Variants in AGAP1 observed in about 807,000 individuals in gnomAD.
AGAP1 encodes ArfGAP with GTPase domain, ankyrin repeat and PH domain 1.
A neutral mutation model predicts 105.3 loss-of-function variants in AGAP1; 29 were observed. That is an observed-to-expected ratio of 0.28 (90% CI 0.21 to 0.38). The LOEUF (loss-of-function observed/expected upper bound fraction) is 0.38. AGAP1 is among the 10% of genes least tolerant of loss of function. AGAP1 has a pLI of 1.00. For synonymous variants in AGAP1, 509 were observed against 485.9 expected, an observed-to-expected ratio of 1.05 and a Z score of -0.63; for missense variants, 998 against 1,165.1, an observed-to-expected ratio of 0.86 and a Z score of 2.09.
intron 1 of AGAP1, among the ~76,000 whole-genome samples, chr2:235,495,801 A>T (rs6731690): frequency 6.6e-6 from 1 of 152,302 alleles, no homozygotes. Flanking sequence ...ATGTGCGTGG[A>T]CAGTGTGGAG....
rs979824963 is a variant in AGAP1, at chr2:236,113,755, C to T, written c.2115-6437C>T. Among the ~76,000 whole-genome samples the T allele has an allele frequency of 6.6e-6, 1 of 152,106 alleles. No individual in the cohort carries two copies. Among genetic ancestry groups the T allele is most frequent in the African/African-American group, 2.4e-5 (1 of 41,424 alleles). ...TGTCTGTCTCCGAGCTGGCAGACCC[C>T]GAAAAATCCAGAGGGTTCACGGCTC... On this transcript the variant is annotated intron_variant, in intron 16 of 17. Coordinates refer to ENST00000304032, the MANE Select transcript of AGAP1 (RefSeq NM_001037131.3). This position sits in a 1 kb window ranked among gnomAD's most constrained non-coding sequence, Gnocchi z 4.3.
rs185352819 is a variant in AGAP1 at position 235,608,567 on chromosome 2, G to C, written c.164-100612G>C. On this transcript the variant is annotated intron_variant, in intron 1 of 17. Transcript: ENST00000304032. This position sits in a 1 kb window ranked among gnomAD's most constrained non-coding sequence, Gnocchi z 5.4. The stretch of plus-strand genomic sequence containing the variant: ...GTGAGACCAACCCTGCCCTCTGGAC[G>C]GATGGAAGGACACTGGGGAGCCGAT... Among the ~76,000 whole-genome samples the C allele has an allele frequency of 6.6e-6, 1 of 152,184 alleles. No individual in the cohort carries two copies. Among genetic ancestry groups the C allele is most frequent in the African/African-American group, 2.4e-5 (1 of 41,450 alleles).
rs1344487144 is a variant in AGAP1 at position 235,845,244 on chromosome 2, A to G, written c.1050+37913A>G. On this transcript the variant is annotated intron_variant, in intron 9 of 17. Transcript: ENST00000304032. This position sits in a 1 kb window ranked among gnomAD's most constrained non-coding sequence, Gnocchi z 4.8. ...CTCACAAAGGCCCAGCAGCAAGTAC[A>G]GGGGAGACAGCCAGACCCCTGCACA... Among the ~76,000 whole-genome samples, 2 of 152,142 alleles carry G rather than the reference A, an allele frequency of 1.3e-5. No individual in the cohort carries two copies. The highest frequency in any genetic ancestry group is 6.5e-5 in the Admixed American group (1 of 15,278).
chr2:235,651,753 T>A lies in AGAP1; in HGVS notation c.164-57426T>A, dbSNP rs1028386293. 7.9e-5 allele frequency among the ~76,000 whole-genome samples: 12 copies of A among 152,232 alleles called. No individual in the cohort carries two copies. In the South Asian group the frequency reaches 1.0e-3, roughly 13 times the overall value. Reference sequence around the variant, plus strand: ...AAATGTGAATGTATGAAATGCTGGCTTCCTTTGACTCAGGAATTGTGCTTC... The same window carrying A: ...AAATGTGAATGTATGAAATGCTGGCATCCTTTGACTCAGGAATTGTGCTTC... On this transcript the variant is annotated intron_variant, in intron 1 of 17. Transcript: ENST00000304032.
intron 1 of AGAP1, among the ~76,000 whole-genome samples, chr2:235,666,513 G>A (rs1056972220): frequency 6.6e-6 from 1 of 152,050 alleles, no homozygotes; most frequent in African/African-American, 2.4e-5. Flanking sequence ...ACTTGACATG[G>A]CATCATTATG....
intron 1 of AGAP1, among the ~76,000 whole-genome samples, chr2:235,678,221 C>G (rs535081536): frequency 6.6e-6 from 1 of 152,244 alleles, no homozygotes; most frequent in East Asian, 1.9e-4. Flanking sequence ...AGAGTCTGTT[C>G]TCTTTTGGAT....
At chr2:235,630,090 A>G (rs1039045432) in intron 1 of AGAP1, among the ~76,000 whole-genome samples, 2 of 152,186 alleles carry the variant, frequency 1.3e-5, no homozygotes, top group African/African-American at 2.4e-5. Context: ...CTTTAAAAAT[A>G]TAGGACTGTA....
rs2057658217 is a variant in AGAP1, at chr2:236,044,559, C to A, written c.1891+3718C>A. ...GGCCTTTCTCATGTCTAGAATCCTGCCTTATTTCCCTTTGTGAACCCCAGG... is the reference window on the plus strand; with the variant it reads ...GGCCTTTCTCATGTCTAGAATCCTGACTTATTTCCCTTTGTGAACCCCAGG... On this transcript the variant is annotated intron_variant, in intron 15 of 17. Transcript: ENST00000304032. The surrounding 1 kb of genome is among the most constrained non-coding windows in gnomAD (Gnocchi z 5.7). Among the ~76,000 whole-genome samples, 1 of 152,110 alleles carries A rather than the reference C, an allele frequency of 6.6e-6. No individual in the cohort carries two copies. Among genetic ancestry groups the A allele is most frequent in the African/African-American group, 2.4e-5 (1 of 41,380 alleles).
At chr2:235,704,690 C>T (rs1450347014) in intron 1 of AGAP1, among the ~76,000 whole-genome samples, 2 of 152,350 alleles carry the variant, frequency 1.3e-5, no homozygotes, top group East Asian at 1.9e-4. Context: ...AGAGTCCCGG[C>T]TGATGCTCAC....
In AGAP1 at chr2:236,080,727, A is replaced by G. The variant is rs1337856869; in HGVS notation, c.2114+31446A>G. Among the ~76,000 whole-genome samples the G allele has an allele frequency of 6.6e-6, 1 of 152,136 alleles. No individual in the cohort carries two copies. The highest frequency in any genetic ancestry group is 1.5e-5 in the Non-Finnish European group (1 of 68,010). On this transcript the variant is annotated intron_variant, in intron 16 of 17. Transcript: ENST00000304032. The surrounding 1 kb of genome is among the most constrained non-coding windows in gnomAD (Gnocchi z 4.2). The stretch of plus-strand genomic sequence containing the variant: ...GTCCAAGCTGGGTCTGCATGGTTTC[A>G]TTCCTTCTAGAGGCTGTGAGAGAGT...
rs150075929 is a variant in AGAP1, at chr2:235,713,774, A to G, written c.223-3783A>G. Among the ~76,000 whole-genome samples, 128 of 152,316 alleles carry G rather than the reference A, an allele frequency of 8.4e-4. 3 individuals carry two copies. The East Asian group carries it at 0.02, about 24-fold the overall frequency. ...AGCAGCTGATAAACAACAGAAATAT[A>G]TAGCTCACAGTTCTGGAGGCCAGGA... On this transcript the variant is annotated intron_variant, in intron 2 of 17. Transcript: ENST00000304032.
chr2:235,862,756 T>C (rs919367918), intron 9 of AGAP1, among the ~76,000 whole-genome samples: 10 of 152,350 alleles, frequency 6.6e-5, no homozygotes, highest in Admixed American at 2.6e-4. Context: ...ACAGACCATA[T>C]GCACCTTTGA....
chr2:236,123,788 C>T lies in AGAP1; in HGVS notation c.2371-131C>T, dbSNP rs956148561. 18 of 1,149,330 alleles carry T rather than the reference C, an allele frequency of 1.6e-5. No homozygotes were observed. Among genetic ancestry groups the T allele is most frequent in the Non-Finnish European group, 2.2e-5 (18 of 800,326 alleles). The allele number at this position is 1,149,330 out of a possible 1,614,324, so 71.2% of individuals were successfully genotyped here. ...CCACCAGCACTGGATGGTCCTGGCA[C>T]CCCAGCCAGTTGTGTAGCTGGCCCC... On this transcript the variant is annotated intron_variant, in intron 17 of 17. Coordinates refer to ENST00000304032, the MANE Select transcript of AGAP1 (RefSeq NM_001037131.3). This position sits in a 1 kb window ranked among gnomAD's most constrained non-coding sequence, Gnocchi z 4.6.
chr2:235,918,538 G>A (rs913724101), intron 11 of AGAP1, among the ~76,000 whole-genome samples: 1 of 152,106 alleles, frequency 6.6e-6, no homozygotes, highest in East Asian at 1.9e-4. Context: ...AGTTGTTTCC[G>A]TGTTTATACA....
intron 9 of AGAP1, among the ~76,000 whole-genome samples, chr2:235,876,569 T>C (rs1023858517): frequency 6.6e-6 from 1 of 152,174 alleles, no homozygotes; most frequent in Non-Finnish European, 1.5e-5. Context: ...CCCAGTGCTG[T>C]GTGGCTGATA....
rs2060084009 is a variant in AGAP1 at position 236,131,517 on chromosome 2, A to G, written c.*7395A>G. The G allele has an allele frequency of 6.6e-6, 1 of 152,090 alleles. No homozygotes were observed. The highest frequency in any genetic ancestry group is 1.5e-5 in the Non-Finnish European group (1 of 68,020). 9.4% of individuals were successfully genotyped at this position (152,090 alleles called of 1,614,324 possible). A position where few individuals can be genotyped will look rare whatever the true frequency, so the allele number is the denominator to read the frequency against. On this transcript the variant is annotated 3_prime_UTR_variant, in exon 18 of 18. Coordinates refer to ENST00000304032, the MANE Select transcript of AGAP1 (RefSeq NM_001037131.3). The surrounding 1 kb of genome is among the most constrained non-coding windows in gnomAD (Gnocchi z 5.9). ...TTTTTTGGATGTTTTCTATTACCTC[A>G]TTCAGCAACTTTATGTTTCACAATG...
intron 1 of AGAP1, among the ~76,000 whole-genome samples, chr2:235,554,947 GGT>G (rs1475775181): frequency 4.6e-5 from 7 of 152,178 alleles, no homozygotes. Context: ...CAGGATTACA[GGT>G]GTGAGCCACG....
In AGAP1 at chr2:235,610,612, G is replaced by T. The variant is rs1275820645; in HGVS notation, c.164-98567G>T. On this transcript the variant is annotated intron_variant, in intron 1 of 17. Transcript: ENST00000304032. The surrounding 1 kb of genome is among the most constrained non-coding windows in gnomAD (Gnocchi z 4.9). ...CAAAGATCCCACCTCAGATACCATC[G>T]CATTGGGGGTTGAGCTTTAAATACA... Among the ~76,000 whole-genome samples, 3 of 152,058 alleles carry T rather than the reference G, an allele frequency of 2.0e-5. No homozygotes were observed. The highest frequency in any genetic ancestry group is 2.9e-5 in the Non-Finnish European group (2 of 68,026).
Position 235,741,568 on chromosome 2 carries a change from T to A in AGAP1, c.396+520T>A, listed in dbSNP as rs1433764388. Among the ~76,000 whole-genome samples, 3 of 152,186 alleles carry A rather than the reference T, an allele frequency of 2.0e-5. No individual in the cohort carries two copies. Among genetic ancestry groups the A allele is most frequent in the African/African-American group, 7.2e-5 (3 of 41,460 alleles). Reference sequence around the variant, plus strand: ...CGGTATGAAGCATATTATGATTTCTTTGGAAGTTCCTGGAAAGATGGTCAT... The same window carrying A: ...CGGTATGAAGCATATTATGATTTCTATGGAAGTTCCTGGAAAGATGGTCAT... On this transcript the variant is annotated intron_variant, in intron 4 of 17. Coordinates refer to ENST00000304032, the MANE Select transcript of AGAP1 (RefSeq NM_001037131.3). This position sits in a 1 kb window ranked among gnomAD's most constrained non-coding sequence, Gnocchi z 4.9.
Sources: allele counts gnomAD v4.1 joint callset (sites outside exome capture counted in the v4.1 genomes callset), GRCh38; gene constraint gnomAD v4.1.1; non-coding constraint Gnocchi (gnomAD v3.1); transcripts MANE v1.5; gene names NCBI Gene and HGNC (gene_info 2026-07-23, HGNC 2026-07-21).